ARHGAP42: variants seen among roughly 807,000 people sequenced by gnomAD.
ARHGAP42 encodes Rho GTPase activating protein 42, also known as rho GTPase-activating protein 42.
ARHGAP42 carries 63 observed loss-of-function variants against 125.0 expected under a neutral mutation model. The ratio of observed to expected loss-of-function variants is 0.50; its 90% confidence interval spans 0.41 to 0.62. ARHGAP42 has a LOEUF of 0.62. Ranked by LOEUF, ARHGAP42 falls within the 20% of genes least tolerant of loss-of-function variation. The pLI, the probability that ARHGAP42 is intolerant of heterozygous loss-of-function variation, is 0.00. For missense variants in ARHGAP42, 766 were observed against 1,024.2 expected (o/e 0.75, Z 3.44); for synonymous variants, 339 against 351.0 (o/e 0.97, Z 0.38).
chr11:100,940,930 T>C (rs1867867327), intron 8 of ARHGAP42, among the ~76,000 whole-genome samples: 1 of 152,158 alleles, frequency 6.6e-6, no homozygotes, highest in Non-Finnish European at 1.5e-5. Context: ...ATGGCTTAAA[T>C]TAGTAAAACA....
intron 21 of ARHGAP42, among the ~76,000 whole-genome samples, chr11:100,978,313 A>AT (rs1340067134): frequency 1.3e-5 from 2 of 152,284 alleles, no homozygotes; most frequent in African/African-American, 4.8e-5. Flanking sequence ...AATAAGATAG[A>AT]TTTTTTAAAA....
chr11:100,968,232 G>GT (rs2135309518), intron 17 of ARHGAP42, among the ~76,000 whole-genome samples: 1 of 152,140 alleles, frequency 6.6e-6, no homozygotes, highest in Non-Finnish European at 1.5e-5. Context: ...GGATCTTACT[G>GT]TTTTTTAATT....
At chr11:100,835,517 G>A in intron 3 of ARHGAP42, among the ~76,000 whole-genome samples, 1 of 152,054 alleles carries the variant, frequency 6.6e-6, no homozygotes, top group Non-Finnish European at 1.5e-5. Flanking sequence ...TTGTGGCCAA[G>A]CTCATTTCAT....
intron 17 of ARHGAP42, among the ~76,000 whole-genome samples, chr11:100,968,891 T>A (rs1858166446): frequency 6.6e-6 from 1 of 151,614 alleles, no homozygotes; most frequent in Non-Finnish European, 1.5e-5. Flanking sequence ...AAATATATAT[T>A]TCTACTCTTT....
chr11:100,938,879 A>T (rs1867805937), intron 8 of ARHGAP42, among the ~76,000 whole-genome samples: 1 of 152,204 alleles, frequency 6.6e-6, no homozygotes, highest in South Asian at 2.1e-4. Context: ...TGGGTGGATA[A>T]GTTCTGTGGG....
Position 100,992,376 on chromosome 11 carries a change from G to A in ARHGAP42, c.*3575G>A. 1.9e-6 allele frequency: 3 copies of A among 1,613,982 alleles called. No individual in the cohort carries two copies. The highest frequency in any genetic ancestry group is 2.5e-6 in the Non-Finnish European group (3 of 1,179,912). On this transcript the variant is annotated 3_prime_UTR_variant, in exon 24 of 24. Transcript: ENST00000298815. Reference sequence around the variant, plus strand: ...TGGTCAGGTCACGAAAAAGAACACAGGCTTGACTATTGTCCAGAAGTTACT... The same window carrying A: ...TGGTCAGGTCACGAAAAAGAACACAAGCTTGACTATTGTCCAGAAGTTACT...
chr11:100,845,223 A>C (rs1458355248), intron 3 of ARHGAP42, among the ~76,000 whole-genome samples: 1 of 152,180 alleles, frequency 6.6e-6, no homozygotes, highest in Non-Finnish European at 1.5e-5. Context: ...ATTGGAGACT[A>C]TTATTCTAAG....
intron 3 of ARHGAP42, among the ~76,000 whole-genome samples, chr11:100,840,298 G>A (rs1458751519): frequency 6.6e-6 from 1 of 152,102 alleles, no homozygotes; most frequent in Non-Finnish European, 1.5e-5. Flanking sequence ...GTCAGTAATG[G>A]TGATTTTCTA....
chr11:100,809,007 G>C (rs1864073743), intron 3 of ARHGAP42, among the ~76,000 whole-genome samples: 1 of 152,166 alleles, frequency 6.6e-6, no homozygotes, highest in African/African-American at 2.4e-5. Flanking sequence ...TGGTTGGAAA[G>C]ACATTGGGGC....
chr11:100,693,636 G>A (rs1019474067), intron 1 of ARHGAP42, among the ~76,000 whole-genome samples: 1 of 152,108 alleles, frequency 6.6e-6, no homozygotes, highest in African/African-American at 2.4e-5. Context: ...CCTCTCCTGG[G>A]TTCGGTCAGA....
chr11:100,834,988 A>G (rs984363310), intron 3 of ARHGAP42, among the ~76,000 whole-genome samples: 5 of 151,804 alleles, frequency 3.3e-5, no homozygotes, highest in South Asian at 4.2e-4. Flanking sequence ...GATTTTATTC[A>G]CCCTGTTTCA....
intron 4 of ARHGAP42, among the ~76,000 whole-genome samples, chr11:100,895,566 C>T (rs551050192): frequency 1.4e-4 from 21 of 148,068 alleles, no homozygotes; most frequent in African/African-American, 5.0e-4. Context: ...CAGCTGAGGT[C>T]ATTCTGCAGT....
chr11:100,834,702 A>T (rs1189765726), intron 3 of ARHGAP42, among the ~76,000 whole-genome samples: 1 of 152,052 alleles, frequency 6.6e-6, no homozygotes, highest in Non-Finnish European at 1.5e-5. Context: ...AATCCAGACG[A>T]ACTGTAGCCA....
At chr11:100,877,734 C>T (rs1565255125) in intron 4 of ARHGAP42, among the ~76,000 whole-genome samples, 1 of 152,018 alleles carries the variant, frequency 6.6e-6, no homozygotes, top group East Asian at 1.9e-4. Context: ...AGGGTGGGCG[C>T]GGTGGCTCAC....
At chr11:100,807,867 G>C (rs76787621) in intron 3 of ARHGAP42, among the ~76,000 whole-genome samples, 5,417 of 152,270 alleles carry the variant, frequency 0.036, 99 homozygotes, top group African/African-American at 0.07. Flanking sequence ...ACTCTCTGCT[G>C]TTGGCCATCA....
At chr11:100,870,888 G>A (rs1369946266) in intron 4 of ARHGAP42, among the ~76,000 whole-genome samples, 2 of 151,326 alleles carry the variant, frequency 1.3e-5, no homozygotes, top group East Asian at 3.9e-4. Context: ...TTGTTGATTG[G>A]TTGTTGAGAA....
At chr11:100,700,016 A>G (rs1375932614) in intron 1 of ARHGAP42, among the ~76,000 whole-genome samples, 1 of 151,932 alleles carries the variant, frequency 6.6e-6, no homozygotes, top group Non-Finnish European at 1.5e-5. Flanking sequence ...CATTCTCCCT[A>G]TGTGTCTCTG....
At chr11:100,778,044 T>G (rs1289191930) in intron 2 of ARHGAP42, among the ~76,000 whole-genome samples, 1 of 152,096 alleles carries the variant, frequency 6.6e-6, no homozygotes. Flanking sequence ...CATGGTGGCA[T>G]GCACCTATAG....
Position 100,949,974 on chromosome 11 carries a change from T to A in ARHGAP42, c.1162+18T>A. On this transcript the variant is annotated intron_variant, in intron 12 of 23. Coordinates refer to ENST00000298815, the MANE Select transcript of ARHGAP42 (RefSeq NM_152432.4). ...AGAAGAAAGTAAGTCATTTTAATAG[T>A]TATTTAAAATTTTATCATGAAGTTA... 7.3e-7 allele frequency: 1 copy of A among 1,376,514 alleles called. No homozygotes were observed. The highest frequency in any genetic ancestry group is 1.0e-6 in the Non-Finnish European group (1 of 1,001,334). The allele number at this position is 1,376,514 out of a possible 1,614,324, so 85.3% of individuals were successfully genotyped here.
Sources: allele counts gnomAD v4.1 joint callset (sites outside exome capture counted in the v4.1 genomes callset), GRCh38; gene constraint gnomAD v4.1.1; transcripts MANE v1.5; gene names NCBI Gene and HGNC (gene_info 2026-07-23, HGNC 2026-07-21).